The following ITGAM variants were observed in gnomAD, a reference collection of about 807,000 sequenced individuals.
ITGAM encodes integrin subunit alpha M, also known as integrin alpha-M.
A neutral mutation model predicts 137.5 loss-of-function variants in ITGAM; 79 were observed. The observed-to-expected ratio is 0.57, with a 90% CI of 0.48 to 0.69. ITGAM has a LOEUF of 0.69. Among genes scored for constraint, ITGAM ranks in the 30% least tolerant of loss-of-function variants. ITGAM has a pLI of 0.00. For synonymous variants in ITGAM, 583 were observed against 592.3 expected (o/e 0.98, Z 0.23); for missense variants, 1,343 against 1,483.5 (o/e 0.91, Z 1.56).
At chr16:31,325,141 G>A (rs375309817) in intron 19 of ITGAM, 110 bp downstream of exon 19, 34 of 1,461,332 alleles carry the variant, frequency 2.3e-5, no homozygotes, top group East Asian at 2.1e-4. Context: ...TATAAGGTCC[G>A]GTGTGGCTGC....
chr16:31,291,784 T>C (rs2080089724), intron 12 of ITGAM, among the ~76,000 whole-genome samples: 1 of 151,890 alleles, frequency 6.6e-6, no homozygotes, highest in Non-Finnish European at 1.5e-5. Flanking sequence ...TACTAGAGAC[T>C]GGGAAGGGTA....
intron 16 of ITGAM, among the ~76,000 whole-genome samples, chr16:31,321,893 A>G (rs1012212756): frequency 1.3e-5 from 2 of 152,184 alleles, no homozygotes; most frequent in African/African-American, 4.8e-5. Context: ...TGAACAAACT[A>G]TGTTTTTGTT....
chr16:31,307,424 G>C (rs562440317), intron 14 of ITGAM, among the ~76,000 whole-genome samples: 8 of 152,262 alleles, frequency 5.3e-5, no homozygotes, highest in Admixed American at 1.3e-4. Flanking sequence ...GAATGGAAGT[G>C]CACTCATGAT....
rs774896904 is a variant in ITGAM at position 31,330,621 on chromosome 16, G to A, written c.3276+16G>A. On this transcript the variant is annotated intron_variant, in intron 28 of 29. Coordinates refer to ENST00000544665, the MANE Select transcript of ITGAM (RefSeq NM_000632.4). ...GAGGTCCCAGGTACCTGTCTTGGGC[G>A]CTGAGGAACTATTGGAGGGAGAGGG... 10 of 1,568,868 alleles carry A rather than the reference G, an allele frequency of 6.4e-6. No homozygotes were observed. The highest frequency in any genetic ancestry group is 6.1e-6 in the Non-Finnish European group (7 of 1,152,080).
intron 7 of ITGAM, among the ~76,000 whole-genome samples, chr16:31,272,471 T>A (rs1204823966): frequency 8.1e-3 from 127 of 15,678 alleles, no homozygotes; most frequent in Non-Finnish European, 0.01. Context: ...ATATTTTTTT[T>A]TTTTTTTTTT....
Position 31,278,016 on chromosome 16 carries a change from G to T in ITGAM, c.1263G>T (p.Leu421=), listed in dbSNP as rs747384775. 9 of 1,605,462 alleles carry T rather than the reference G, an allele frequency of 5.6e-6. No homozygotes were observed. In the East Asian group the frequency reaches 2.0e-4, roughly 36 times the overall value. The change falls in exon 12 of 30, where the codon CTG becomes CTT. Residue 421 remains leucine (L), a synonymous_variant. Coordinates refer to ENST00000544665, the MANE Select transcript of ITGAM (RefSeq NM_000632.4). ...ILRNRVQSLV[L]GAPRYQHIGL... is the part of the protein sequence containing the mutation. The stretch of plus-strand genomic sequence containing the variant: ...GGAACCGGGTGCAAAGCCTGGTTCT[G>T]GGGGCACCTCGATATCAGCACATCG...
rs149805234 is a variant in ITGAM, at chr16:31,293,887, T to C, written c.1357-3627T>C. Among the ~76,000 whole-genome samples, 8 of 152,304 alleles carry C rather than the reference T, an allele frequency of 5.3e-5. No individual in the cohort carries two copies. The East Asian group carries it at 1.5e-3, about 29-fold the overall frequency. ...CCATGAGCATGAGATGTTTTACCAT[T>C]TTTTTGGTGTCATCTCTGATTTCTT... On this transcript the variant is annotated intron_variant, in intron 12 of 29. Transcript: ENST00000544665.
Position 31,271,065 on chromosome 16 carries a change from TA to T in ITGAM, c.545del (p.Lys182SerfsTer8), listed in dbSNP as rs2079834327. The part of the protein sequence containing the change: ...KEFVSTVMEQ[L>X]KKSKTLFSLM... The stretch of plus-strand genomic sequence containing the variant: ...TTTGTCTCAACTGTGATGGAGCAAT[TA>T]AAAAAGTCCAAAACCTTGGTGAGGG... On this transcript the variant is annotated frameshift_variant, in exon 6 of 30. Transcript: ENST00000544665. LOFTEE classifies it high-confidence loss of function. 6.3e-7 allele frequency: 1 copy of T among 1,575,892 alleles called. No homozygotes were observed. The highest frequency in any genetic ancestry group is 8.6e-7 in the Non-Finnish European group (1 of 1,157,104).
chr16:31,270,742 TA>T lies in ITGAM; in HGVS notation c.428-211del, dbSNP rs531861710. 2.0e-3 allele frequency among the ~76,000 whole-genome samples: 219 copies of T among 109,844 alleles called. 2 individuals carry two copies. The highest frequency in any genetic ancestry group is 2.8e-3 in the Non-Finnish European group (153 of 53,874). 72.1% of individuals were successfully genotyped at this position (109,844 alleles called of 152,430 possible). A position where few individuals can be genotyped will look rare whatever the true frequency, so the allele number is the denominator to read the frequency against. The stretch of plus-strand genomic sequence containing the variant: ...ATATATATATATATATATATATATA[TA>T]TGTTTTTAACGTGTGTATACATATA... On this transcript the variant is annotated intron_variant, in intron 5 of 29. Coordinates refer to ENST00000544665, the MANE Select transcript of ITGAM (RefSeq NM_000632.4).
At chr16:31,311,342 C>A (rs1467400890) in intron 14 of ITGAM, among the ~76,000 whole-genome samples, 1 of 152,184 alleles carries the variant, frequency 6.6e-6, no homozygotes, top group East Asian at 1.9e-4. Context: ...TCAGAGTGAA[C>A]AGGCAACCTA....
chr16:31,331,500 C>A, intron 29 of ITGAM, 136 bp from the exon 30 acceptor site: 1 of 679,020 alleles, frequency 1.5e-6, no homozygotes, highest in South Asian at 1.7e-5. Flanking sequence ...GGCCCCGACG[C>A]GGATGTCACT....
At chr16:31,319,474 G>C (rs1414862336) in intron 14 of ITGAM, among the ~76,000 whole-genome samples, 1 of 152,012 alleles carries the variant, frequency 6.6e-6, no homozygotes, top group African/African-American at 2.4e-5. Flanking sequence ...TCTGATATTA[G>C]CATGTCATCC....
At position 31,321,234 on chromosome 16, in the gene ITGAM, C is replaced by T. The variant is rs760965318; in HGVS notation, c.1708-7C>T. On this transcript the variant is annotated splice_region_variant and splice_polypyrimidine_tract_variant and intron_variant, in intron 14 of 29. Coordinates refer to ENST00000544665, the MANE Select transcript of ITGAM (RefSeq NM_000632.4). ...TTTCTCTCTCCACACCTCTTTTTTA[C>T]CCTCAGCGGATAGCAGGCTCCAAGC... 1.2e-6 allele frequency: 2 copies of T among 1,613,570 alleles called. No individual in the cohort carries two copies. The highest frequency in any genetic ancestry group is 2.2e-5 in the South Asian group (2 of 91,054).
intron 14 of ITGAM, among the ~76,000 whole-genome samples, chr16:31,311,355 G>A (rs1160584506): frequency 2.0e-5 from 3 of 152,264 alleles, no homozygotes; most frequent in South Asian, 4.1e-4. Context: ...GCAACCTACT[G>A]AATGGGAGAA....
rs755232181 is a variant in ITGAM at position 31,266,021 on chromosome 16, G to C, written c.310-9G>C. The C allele has an allele frequency of 1.9e-6, 3 of 1,611,972 alleles. No individual in the cohort carries two copies. Among genetic ancestry groups the C allele is most frequent in the African/African-American group, 2.7e-5 (2 of 74,862 alleles). On this transcript the variant is annotated splice_polypyrimidine_tract_variant and intron_variant, in intron 4 of 29. Coordinates refer to ENST00000544665, the MANE Select transcript of ITGAM (RefSeq NM_000632.4). ...GGGGCAGCCCCTTCCACTGGCTCCTGTCCCCTAGGCCTGTGGTCCCACCGT... is the reference window on the plus strand; with the variant it reads ...GGGGCAGCCCCTTCCACTGGCTCCTCTCCCCTAGGCCTGTGGTCCCACCGT...
intron 12 of ITGAM, among the ~76,000 whole-genome samples, chr16:31,284,031 T>C (rs1206590739): frequency 3.9e-5 from 6 of 152,238 alleles, no homozygotes; most frequent in Admixed American, 3.9e-4. Context: ...CAGTGGAGGC[T>C]GCAGAACAGC....
At chr16:31,327,945 T>C (rs1042406523) in intron 22 of ITGAM, 1 of 574,408 alleles carries the variant, frequency 1.7e-6, no homozygotes, top group Middle Eastern at 4.5e-4. Flanking sequence ...GGGGACCAGT[T>C]AGAAGAAGGT....
intron 12 of ITGAM, among the ~76,000 whole-genome samples, chr16:31,284,688 A>G (rs2080008873): frequency 6.6e-6 from 1 of 151,746 alleles, no homozygotes. Flanking sequence ...TGAGGCGATG[A>G]CCCACCCTGC....
In ITGAM at chr16:31,288,283, T is replaced by C. The variant is rs539469925; in HGVS notation, c.1357-9231T>C. On this transcript the variant is annotated intron_variant, in intron 12 of 29. Coordinates refer to ENST00000544665, the MANE Select transcript of ITGAM (RefSeq NM_000632.4). ...TTGTTCAATATCCCAAATACCAATA[T>C]TGCAGAAATGGACAAGCTGATCCTG... 3.3e-5 allele frequency among the ~76,000 whole-genome samples: 5 copies of C among 152,244 alleles called. No homozygotes were observed. In the East Asian group the frequency reaches 5.8e-4, roughly 18 times the overall value.
Sources: allele counts gnomAD v4.1 joint callset (sites outside exome capture counted in the v4.1 genomes callset), GRCh38; gene constraint gnomAD v4.1.1; transcripts MANE v1.5; gene names NCBI Gene and HGNC (gene_info 2026-07-23, HGNC 2026-07-21).